The following MITF variants were observed in gnomAD, a reference collection of about 807,000 sequenced individuals.
The protein encoded by MITF is melanocyte inducing transcription factor.
Under a neutral mutation model 60.5 loss-of-function variants are expected in MITF, and 17 were observed. The observed-to-expected ratio is 0.28, with a 90% confidence interval of 0.19 to 0.42. The LOEUF (loss-of-function observed/expected upper bound fraction) is 0.42. Ranked by LOEUF, MITF falls within the 10% of genes least tolerant of loss-of-function variation. MITF has a pLI of 1.00. For synonymous variants in MITF, 260 were observed against 248.5 expected (o/e 1.05, Z -0.43); for missense variants, 622 against 683.5 (o/e 0.91, Z 1.00).
chr3:69,790,141 T>C (rs2062716989), intron 1 of MITF, among the ~76,000 whole-genome samples: 1 of 152,132 alleles, frequency 6.6e-6, no homozygotes, highest in Non-Finnish European at 1.5e-5. Flanking sequence ...TAGATGAATC[T>C]TTAGGACATT....
intron 9 of MITF, among the ~76,000 whole-genome samples, chr3:69,961,252 G>A (rs1182990102): frequency 1.3e-5 from 2 of 151,732 alleles, no homozygotes; most frequent in African/African-American, 2.4e-5. Context: ...GCATGGTGGC[G>A]GGCGCCTGTA....
At chr3:69,766,228 T>C (rs1404251574) in intron 1 of MITF, among the ~76,000 whole-genome samples, 1 of 151,902 alleles carries the variant, frequency 6.6e-6, no homozygotes, top group Non-Finnish European at 1.5e-5. Context: ...TCTTTTCTTT[T>C]CTTTCTTTTT....
In MITF at chr3:69,745,014, C is replaced by T. The variant is rs528503958; in HGVS notation, c.104+5313C>T. On this transcript the variant is annotated intron_variant, in intron 1 of 9. Transcript: ENST00000352241. ...CTAAGTGTTTTTACGTGTGTAAAACCTATTTAATCTTTGTGAAATCTGCAT... is the reference window on the plus strand; with the variant it reads ...CTAAGTGTTTTTACGTGTGTAAAACTTATTTAATCTTTGTGAAATCTGCAT... Among the ~76,000 whole-genome samples the T allele has an allele frequency of 2.0e-5, 3 of 151,998 alleles. No individual in the cohort carries two copies. The East Asian group carries it at 5.8e-4, about 29-fold the overall frequency.
chr3:69,846,831 A>AG (rs1458685724), intron 1 of MITF, among the ~76,000 whole-genome samples: 1 of 151,902 alleles, frequency 6.6e-6, no homozygotes, highest in East Asian at 1.9e-4. Context: ...AAAAAAAAAA[A>AG]AAAAAGGAAT....
At chr3:69,769,042 T>A (rs1374392767) in intron 1 of MITF, among the ~76,000 whole-genome samples, 5 of 152,184 alleles carry the variant, frequency 3.3e-5, no homozygotes, top group Admixed American at 1.3e-4. Context: ...TGTGTGAGTT[T>A]GGGCAAATCA....
intron 1 of MITF, among the ~76,000 whole-genome samples, chr3:69,791,785 G>A (rs960185223): frequency 1.3e-5 from 2 of 152,210 alleles, no homozygotes; most frequent in African/African-American, 4.8e-5. Flanking sequence ...CCCTGTGTGT[G>A]CATTTAAGTG....
intron 2 of MITF, among the ~76,000 whole-genome samples, chr3:69,888,677 C>T (rs952396693): frequency 2.0e-5 from 3 of 152,196 alleles, no homozygotes; most frequent in East Asian, 1.9e-4. Flanking sequence ...TGATTTATTA[C>T]CCACACGTTT....
chr3:69,920,377 C>G (rs998273926), intron 2 of MITF, among the ~76,000 whole-genome samples: 1 of 152,162 alleles, frequency 6.6e-6, no homozygotes, highest in Non-Finnish European at 1.5e-5. Context: ...GGCCTGACAT[C>G]AGTCAGGCTT....
chr3:69,842,198 T>A (rs536167820), intron 1 of MITF, among the ~76,000 whole-genome samples: 6 of 152,270 alleles, frequency 3.9e-5, no homozygotes, highest in African/African-American at 1.4e-4. Flanking sequence ...ACACAACATA[T>A]GTGTTTCTAA....
chr3:69,816,993 G>A (rs1466235274), intron 1 of MITF, among the ~76,000 whole-genome samples: 3 of 152,174 alleles, frequency 2.0e-5, no homozygotes, highest in Non-Finnish European at 2.9e-5. Context: ...CCTTTTCACT[G>A]CTTGCAGAAC....
At chr3:69,787,261 G>A (rs2062665799) in intron 1 of MITF, among the ~76,000 whole-genome samples, 1 of 152,172 alleles carries the variant, frequency 6.6e-6, no homozygotes, top group South Asian at 2.1e-4. Flanking sequence ...AAGGGGGACT[G>A]AACTTCACCA....
At chr3:69,780,718 AC>A (rs1446457820) in intron 1 of MITF, among the ~76,000 whole-genome samples, 1 of 152,140 alleles carries the variant, frequency 6.6e-6, no homozygotes, top group Non-Finnish European at 1.5e-5. Context: ...GGGTAACCAG[AC>A]TAATTAGATG....
intron 2 of MITF, among the ~76,000 whole-genome samples, chr3:69,921,411 G>A (rs893950956): frequency 6.6e-6 from 1 of 152,180 alleles, no homozygotes; most frequent in African/African-American, 2.4e-5. Flanking sequence ...GATTCCTAGT[G>A]TGCTTTTTGA....
chr3:69,839,336 C>T (rs559993176), intron 1 of MITF, among the ~76,000 whole-genome samples: 1 of 151,614 alleles, frequency 6.6e-6, no homozygotes, highest in Non-Finnish European at 1.5e-5. Context: ...GATAAATGCC[C>T]CTTTTCATTA....
intron 5 of MITF, among the ~76,000 whole-genome samples, chr3:69,944,327 G>A (rs977108817): frequency 6.6e-6 from 1 of 152,086 alleles, no homozygotes; most frequent in Non-Finnish European, 1.5e-5. Flanking sequence ...CAGTCTAGAA[G>A]GGGGAGACTC....
intron 1 of MITF, among the ~76,000 whole-genome samples, chr3:69,810,288 T>C (rs2063079996): frequency 6.6e-6 from 1 of 152,222 alleles, no homozygotes; most frequent in Non-Finnish European, 1.5e-5. Context: ...AATTCATGTC[T>C]TTACAAAGCG....
chr3:69,930,705 T>G (rs1288501485), intron 2 of MITF, among the ~76,000 whole-genome samples: 1 of 152,246 alleles, frequency 6.6e-6, no homozygotes, highest in East Asian at 1.9e-4. Context: ...CGGGATGTAG[T>G]GTGTTCCCTG....
At chr3:69,949,707 C>G (rs2066193998) in intron 6 of MITF, among the ~76,000 whole-genome samples, 1 of 152,126 alleles carries the variant, frequency 6.6e-6, no homozygotes, top group Admixed American at 6.6e-5. Context: ...TAAAATGGAG[C>G]AATGGATATT....
intron 2 of MITF, among the ~76,000 whole-genome samples, chr3:69,886,828 A>G (rs1394950957): frequency 6.6e-6 from 1 of 152,106 alleles, no homozygotes; most frequent in Non-Finnish European, 1.5e-5. Context: ...CACTACAGTG[A>G]AAGTTTCTAT....
Sources: allele counts gnomAD v4.1 joint callset (sites outside exome capture counted in the v4.1 genomes callset), GRCh38; gene constraint gnomAD v4.1.1; transcripts MANE v1.5; gene names NCBI Gene and HGNC (gene_info 2026-07-23, HGNC 2026-07-21).